Variants in PSPH observed in about 807,000 individuals in gnomAD.
PSPH encodes the protein phosphoserine phosphatase, also known as L-3-phosphoserine phosphatase.
A neutral mutation model predicts 23.4 loss-of-function variants in PSPH; 16 were observed. The ratio of observed to expected loss-of-function variants is 0.68; its 90% confidence interval spans 0.46 to 1.04. The LOEUF (loss-of-function observed/expected upper bound fraction) is 1.04, where lower values mean the gene tolerates loss of function less well. Among genes scored for constraint, PSPH ranks in the 50% least tolerant of loss-of-function variants. The probability of loss-of-function intolerance (pLI) is 0.00; values close to 1 mark genes in which losing one functional copy is unlikely to be tolerated. For missense variants in PSPH, 223 were observed against 273.7 expected (o/e 0.81, Z 1.31); for synonymous variants, 68 against 99.7 (o/e 0.68, Z 1.89).
intron 3 of PSPH, among the ~76,000 whole-genome samples, chr7:56,024,263 G>A (rs1789868287): frequency 6.6e-6 from 1 of 151,848 alleles, no homozygotes; most frequent in Non-Finnish European, 1.5e-5. Context: ...CTAGGCTGGA[G>A]TGCAGTGGTG....
intron 1 of PSPH, 139 bp from the exon 2 acceptor site, chr7:56,034,245 C>G (rs1222195096): frequency 1.3e-5 from 2 of 152,264 alleles, no homozygotes; most frequent in Non-Finnish European, 2.9e-5. Flanking sequence ...AACCAGCCCC[C>G]TCCTCCTCCG....
rs750270446 is a variant in PSPH at position 56,015,126 on chromosome 7, C to T, written c.467G>A (p.Gly156Asp). Reference protein sequence around the residue: ...FDETQPTAESGGKGKVIKLLK... With the variant: ...FDETQPTAESDGKGKVIKLLK... The stretch of plus-strand genomic sequence containing the variant: ...AAGTTTAATCACTTTTCCTTTTCCA[C>T]CAGATTCAGCTGTTGGCTGCGTCTC... The change falls in exon 7 of 8, where the codon GGT becomes GAT. Residue 156 changes from glycine to aspartate, a missense_variant. Gly to Asp is a moderately conservative substitution (Grantham distance 94). Coordinates refer to ENST00000275605, the MANE Select transcript of PSPH (RefSeq NM_004577.4). 55 of 1,613,856 alleles carry T rather than the reference C, an allele frequency of 3.4e-5. No homozygotes were observed. The highest frequency in any genetic ancestry group is 1.1e-5 in the South Asian group (1 of 91,062).
chr7:56,028,696 A>G (rs1029156519), intron 3 of PSPH, among the ~76,000 whole-genome samples: 15 of 152,136 alleles, frequency 9.9e-5, no homozygotes, highest in African/African-American at 3.4e-4. Context: ...CAAGAGTATC[A>G]ACTCCCTCCC....
At chr7:56,012,255 C>T (rs776344627) in intron 7 of PSPH, among the ~76,000 whole-genome samples, 13 of 151,576 alleles carry the variant, frequency 8.6e-5, no homozygotes, top group African/African-American at 2.9e-4. Flanking sequence ...GCAGTGGCAC[C>T]GTCATGGCTC....
At chr7:56,050,230 G>T (rs112049385) in intron 1 of PSPH, among the ~76,000 whole-genome samples, 2 of 152,066 alleles carry the variant, frequency 1.3e-5, no homozygotes, top group Non-Finnish European at 2.9e-5. Flanking sequence ...ATAGCAGACT[G>T]TGAACAACTT....
At chr7:56,046,962 G>A (rs1441311748) in intron 1 of PSPH, among the ~76,000 whole-genome samples, 1 of 152,118 alleles carries the variant, frequency 6.6e-6, no homozygotes, top group African/African-American at 2.4e-5. Flanking sequence ...ACAACCCTGA[G>A]AAAAGCCCCA....
intron 1 of PSPH, among the ~76,000 whole-genome samples, chr7:56,047,603 T>C (rs898267913): frequency 1.3e-5 from 2 of 151,876 alleles, no homozygotes; most frequent in African/African-American, 2.4e-5. Flanking sequence ...CATGTGACTC[T>C]TCCTATAATG....
intron 1 of PSPH, among the ~76,000 whole-genome samples, chr7:56,038,060 T>C (rs1455343529): frequency 6.6e-6 from 1 of 151,902 alleles, no homozygotes; most frequent in African/African-American, 2.4e-5. Context: ...ACTCTTTTTA[T>C]AAGTCATTCA....
chr7:56,011,960 C>T, intron 7 of PSPH, 91 bp from the exon 8 acceptor site: 1 of 1,026,726 alleles, frequency 9.7e-7, no homozygotes, highest in Non-Finnish European at 1.4e-6. Context: ...GGCTGGAGTG[C>T]AGTGACACAA....
chr7:56,035,766 C>T (rs1032087687), intron 1 of PSPH, among the ~76,000 whole-genome samples: 7 of 151,934 alleles, frequency 4.6e-5, no homozygotes, highest in Non-Finnish European at 8.8e-5. Context: ...ATTACAAGCG[C>T]ACACTACCGT....
At chr7:56,044,529 T>TA (rs1306882121) in intron 1 of PSPH, among the ~76,000 whole-genome samples, 1 of 152,100 alleles carries the variant, frequency 6.6e-6, no homozygotes, top group African/African-American at 2.4e-5. Flanking sequence ...AACCGAGAGT[T>TA]AAAAGATTAT....
chr7:56,049,247 T>C (rs746110086), intron 1 of PSPH, among the ~76,000 whole-genome samples: 19 of 151,986 alleles, frequency 1.3e-4, no homozygotes, highest in East Asian at 7.8e-4. Context: ...TTTTAAACCC[T>C]GCTTGCATTA....
intron 1 of PSPH, among the ~76,000 whole-genome samples, chr7:56,049,579 C>T (rs367713991): frequency 2.8e-4 from 43 of 151,966 alleles, no homozygotes; most frequent in African/African-American, 1.0e-3. Context: ...ACTGGGATTA[C>T]AGGCAGCCGC....
rs189123122 is a variant in PSPH, at chr7:56,039,817, G to A, written c.-291-5711C>T. Reference sequence around the variant, plus strand: ...AATTAAAAAAAAAAAAACAATATATGGCTGGGCGCAGTAGCTCACGCCTGT... The same window carrying A: ...AATTAAAAAAAAAAAAACAATATATAGCTGGGCGCAGTAGCTCACGCCTGT... On this transcript the variant is annotated intron_variant, in intron 1 of 7. Coordinates refer to ENST00000275605, the MANE Select transcript of PSPH (RefSeq NM_004577.4). 2.3e-3 allele frequency among the ~76,000 whole-genome samples: 336 copies of A among 149,310 alleles called. 6 individuals are homozygous for A. Among genetic ancestry groups the A allele is most frequent in the Non-Finnish European group, 4.3e-4 (29 of 67,528 alleles).
intron 1 of PSPH, among the ~76,000 whole-genome samples, chr7:56,042,305 C>T (rs749623673): frequency 3.3e-5 from 5 of 150,778 alleles, no homozygotes; most frequent in Non-Finnish European, 7.4e-5. Flanking sequence ...TATAGAGATT[C>T]ATGGAAAACA....
At chr7:56,049,735 G>A (rs1405867648) in intron 1 of PSPH, among the ~76,000 whole-genome samples, 1 of 150,644 alleles carries the variant, frequency 6.6e-6, no homozygotes, top group Non-Finnish European at 1.5e-5. Context: ...ACTGTACCTG[G>A]CCTTTATTAT....
intron 7 of PSPH, among the ~76,000 whole-genome samples, chr7:56,013,097 A>G (rs989528208): frequency 1.4e-5 from 2 of 145,490 alleles, no homozygotes; most frequent in Non-Finnish European, 3.0e-5. Context: ...ACATATATAT[A>G]CATATGTGTG....
rs568679807 is a variant in PSPH, at chr7:56,041,989, G to A, written c.-291-7883C>T. ...TGTAATCCCAGCACTTTGGGTGGCC[G>A]AGGCTGGTGGATCACCTGAGGTCAG... On this transcript the variant is annotated intron_variant, in intron 1 of 7. Coordinates refer to ENST00000275605, the MANE Select transcript of PSPH (RefSeq NM_004577.4). 7.3e-5 allele frequency among the ~76,000 whole-genome samples: 11 copies of A among 151,472 alleles called. No homozygotes were observed. The East Asian group carries it at 2.0e-3, about 27-fold the overall frequency.
At chr7:56,034,701 A>G (rs1434276801) in intron 1 of PSPH, among the ~76,000 whole-genome samples, 3 of 151,404 alleles carry the variant, frequency 2.0e-5, no homozygotes, top group Non-Finnish European at 2.9e-5. Flanking sequence ...ATTTTTTAAT[A>G]GAGACGGGGT....
Sources: allele counts gnomAD v4.1 joint callset (sites outside exome capture counted in the v4.1 genomes callset), GRCh38; gene constraint gnomAD v4.1.1; transcripts MANE v1.5; gene names NCBI Gene and HGNC (gene_info 2026-07-23, HGNC 2026-07-21).